The following TFB1M variants were observed in gnomAD, a reference collection of about 807,000 sequenced individuals.
The protein encoded by TFB1M is transcription factor B1, mitochondrial, also known as dimethyladenosine transferase 1, mitochondrial.
In TFB1M, 27 loss-of-function variants were observed where a neutral mutation model predicts 31.1. The observed-to-expected ratio is 0.87, with a 90% confidence interval of 0.64 to 1.20. TFB1M has a LOEUF of 1.20. TFB1M is among the 50% of genes most tolerant of loss of function. The pLI is 0.00. For missense variants in TFB1M, 394 were observed against 418.7 expected (o/e 0.94, Z 0.51); for synonymous variants, 166 against 151.8 (o/e 1.09, Z -0.69).
At chr6:155,283,375 T>TA (rs1240671165) in intron 5 of TFB1M, among the ~76,000 whole-genome samples, 1 of 152,106 alleles carries the variant, frequency 6.6e-6, no homozygotes, top group Non-Finnish European at 1.5e-5. Context: ...TACAATATAA[T>TA]AAAAAAAGTG....
chr6:155,250,784 C>T, the TFB1M span: 8 of 1,140,364 alleles, frequency 7.0e-6, no homozygotes, highest in Admixed American at 6.0e-5. Context: ...CCCATGTTTA[C>T]AGGTATCATA....
chr6:155,310,009 AAAGC>A (rs1777949324), intron 2 of TFB1M, among the ~76,000 whole-genome samples: 1 of 152,214 alleles, frequency 6.6e-6, no homozygotes, highest in Non-Finnish European at 1.5e-5. Flanking sequence ...AAAACTAGAT[AAAGC>A]AAGATTAGGG....
chr6:155,293,337 T>C (rs545498580), intron 4 of TFB1M, among the ~76,000 whole-genome samples: 2 of 152,338 alleles, frequency 1.3e-5, no homozygotes, highest in Admixed American at 6.5e-5. Flanking sequence ...CTGACCATTA[T>C]CAGATACTGC....
rs115051740 is a variant in TFB1M at position 155,261,704 on chromosome 6, C to T, written c.667-1304G>A. Among the ~76,000 whole-genome samples, 1,261 of 152,270 alleles carry T rather than the reference C, an allele frequency of 8.3e-3. 17 individuals carry two copies. Among genetic ancestry groups the T allele is most frequent in the African/African-American group, 0.029 (1,200 of 41,532 alleles). On this transcript the variant is annotated intron_variant, in intron 5 of 6. Coordinates refer to ENST00000367166, the MANE Select transcript of TFB1M (RefSeq NM_016020.4). The stretch of plus-strand genomic sequence containing the variant: ...CTATTTAAACAATCAATGAGCCTGT[C>T]CCCGAAGGTTTCAGGTCAGCTACAG...
chr6:155,245,712 A>C, the TFB1M span: 1 of 1,609,340 alleles, frequency 6.2e-7, no homozygotes, highest in Non-Finnish European at 8.5e-7. Context: ...ATATCAAAGT[A>C]CAGAAGGTTC....
chr6:155,254,064 T>C, downstream of TFB1M: 1 of 1,613,088 alleles, frequency 6.2e-7, no homozygotes, highest in Non-Finnish European at 8.5e-7. Flanking sequence ...GTTGCAGGTA[T>C]GACTGACTTC....
chr6:155,234,542 A>T, the TFB1M span, among the ~76,000 whole-genome samples: 1 of 152,222 alleles, frequency 6.6e-6, no homozygotes, highest in Non-Finnish European at 1.5e-5. Flanking sequence ...AGCTGGGACC[A>T]TAGGCGTGTG....
Position 155,256,913 on chromosome 6 carries a change from G to A in TFB1M, c.*923C>T. On this transcript the variant is annotated 3_prime_UTR_variant, in exon 7 of 7. Coordinates refer to ENST00000367166, the MANE Select transcript of TFB1M (RefSeq NM_016020.4). Reference sequence around the variant, plus strand: ...CCCAAACTGGTCCGGGGGCACTTCTGCCCCATTAAACGAAAAGCCAACAGC... The same window carrying A: ...CCCAAACTGGTCCGGGGGCACTTCTACCCCATTAAACGAAAAGCCAACAGC... 2 of 1,614,180 alleles carry A rather than the reference G, an allele frequency of 1.2e-6. No homozygotes were observed. The highest frequency in any genetic ancestry group is 2.2e-5 in the South Asian group (2 of 91,088).
chr6:155,260,263 G>A lies in TFB1M; in HGVS notation c.794+10C>T, dbSNP rs184375814. On this transcript the variant is annotated intron_variant, in intron 6 of 6. Coordinates refer to ENST00000367166, the MANE Select transcript of TFB1M (RefSeq NM_016020.4). ...AGACTGCAACTGAAGAGAAGAAAAG[G>A]CATTCTTACCTGAGCCCTCGATGGC... 148 of 1,614,078 alleles carry A rather than the reference G, an allele frequency of 9.2e-5. No homozygotes were observed. The African/African-American group carries it at 1.2e-3, about 13-fold the overall frequency.
chr6:155,308,584 A>C (rs1194603612), intron 2 of TFB1M, among the ~76,000 whole-genome samples: 1 of 152,204 alleles, frequency 6.6e-6, no homozygotes, highest in Non-Finnish European at 1.5e-5. Flanking sequence ...CTGATGCTGA[A>C]GTCTGCGTCT....
chr6:155,280,070 A>G (rs1397156992), intron 5 of TFB1M, among the ~76,000 whole-genome samples: 1 of 152,206 alleles, frequency 6.6e-6, no homozygotes, highest in Non-Finnish European at 1.5e-5. Flanking sequence ...AAAGTTACAA[A>G]CAAAAAGAAG....
downstream of TFB1M, chr6:155,251,822 A>G: frequency 1.4e-6 from 1 of 727,366 alleles, no homozygotes; most frequent in Non-Finnish European, 2.3e-6. Context: ...TCATGTTGGC[A>G]GAGTGAGGTC....
At chr6:155,231,207 A>T in the TFB1M span, among the ~76,000 whole-genome samples, 5 of 152,152 alleles carry the variant, frequency 3.3e-5, no homozygotes, top group Non-Finnish European at 7.4e-5. Flanking sequence ...GGTCTCTGGC[A>T]TCACTGGCAG....
chr6:155,238,878 T>C, the TFB1M span, among the ~76,000 whole-genome samples: 2 of 152,196 alleles, frequency 1.3e-5, no homozygotes, highest in Non-Finnish European at 2.9e-5. Context: ...GACCACTGAA[T>C]TGAACTGAAA....
At chr6:155,247,893 A>T in the TFB1M span, 2 of 1,376,920 alleles carry the variant, frequency 1.5e-6, no homozygotes, top group South Asian at 2.8e-5. Context: ...AAAGAATGGC[A>T]TTAGGAGGAC....
At chr6:155,291,838 AAGAG>A (rs1404689555) in intron 4 of TFB1M, among the ~76,000 whole-genome samples, 3 of 152,226 alleles carry the variant, frequency 2.0e-5, no homozygotes, top group Admixed American at 6.5e-5. Context: ...CAAGGGTAAA[AAGAG>A]AGGGATAGAT....
chr6:155,298,714 A>G (rs550118289), intron 2 of TFB1M, 129 bp from the exon 3 acceptor site: 18 of 679,276 alleles, frequency 2.6e-5, no homozygotes, highest in Non-Finnish European at 4.2e-5. Flanking sequence ...ATTAATGAAC[A>G]AATACTGCAT....
At chr6:155,303,436 C>T (rs1777523651) in intron 2 of TFB1M, 1 of 152,210 alleles carries the variant, frequency 6.6e-6, no homozygotes, top group South Asian at 2.1e-4. Context: ...TTACAGTTGT[C>T]AGTGGGCCTG....
At chr6:155,276,033 C>T in intron 5 of TFB1M, 1 of 1,614,142 alleles carries the variant, frequency 6.2e-7, no homozygotes, top group Non-Finnish European at 8.5e-7. Context: ...ATGAAATGTA[C>T]TCGCTTAGGA....
Sources: allele counts gnomAD v4.1 joint callset (sites outside exome capture counted in the v4.1 genomes callset), GRCh38; gene constraint gnomAD v4.1.1; transcripts MANE v1.5; gene names NCBI Gene and HGNC (gene_info 2026-07-23, HGNC 2026-07-21).